The following CYTH1 variants were observed in gnomAD, a reference collection of about 807,000 sequenced individuals.
The protein encoded by CYTH1 is cytohesin 1.
CYTH1 carries 18 observed loss-of-function variants against 61.8 expected under a neutral mutation model. The observed-to-expected ratio is 0.29, with a 90% CI of 0.20 to 0.43. The LOEUF is 0.43. CYTH1 is among the 20% of genes least tolerant of loss of function. The pLI, the probability that CYTH1 is intolerant of heterozygous loss-of-function variation, is 1.00. For missense variants in CYTH1, 336 were observed against 510.5 expected, an observed-to-expected ratio of 0.66 and a Z score of 3.29; for synonymous variants, 174 against 184.3, an observed-to-expected ratio of 0.94 and a Z score of 0.45.
chr17:78,698,401 T>A (rs1225910338), intron 8 of CYTH1, 21 bp from the exon 9 acceptor site: 1 of 1,553,194 alleles, frequency 6.4e-7, no homozygotes, highest in Admixed American at 1.7e-5. Flanking sequence ...AGATGACAAT[T>A]TATGTCTCTG....
intron 6 of CYTH1, 144 bp downstream of exon 6, chr17:78,701,527 A>G: frequency 1.3e-6 from 1 of 779,142 alleles, no homozygotes; most frequent in South Asian, 1.8e-5. Context: ...TCAGAGACCA[A>G]TAGATTTCTT....
chr17:78,779,512 C>A (rs1010058213), intron 1 of CYTH1, among the ~76,000 whole-genome samples: 2 of 152,180 alleles, frequency 1.3e-5, no homozygotes, highest in African/African-American at 4.8e-5. Flanking sequence ...GTACTAATCC[C>A]CAGAACTTGT....
At chr17:78,775,048 C>T (rs977556624) in intron 1 of CYTH1, among the ~76,000 whole-genome samples, 3 of 152,240 alleles carry the variant, frequency 2.0e-5, no homozygotes, top group African/African-American at 7.2e-5. Context: ...GGACTTGCTG[C>T]CTGCTTTCCC....
intron 1 of CYTH1, among the ~76,000 whole-genome samples, chr17:78,769,920 G>C (rs1196199150): frequency 6.6e-6 from 1 of 152,114 alleles, no homozygotes; most frequent in Non-Finnish European, 1.5e-5. Context: ...GGGAGGCCGA[G>C]GTGGGTGGAT....
intron 1 of CYTH1, among the ~76,000 whole-genome samples, chr17:78,777,109 G>C (rs35361991): frequency 0.063 from 8,831 of 141,222 alleles, 496 homozygotes; most frequent in South Asian, 0.16. Flanking sequence ...TGGGCAACAA[G>C]AGTGAAACTC....
At chr17:78,745,293 C>T (rs1054279680) in intron 1 of CYTH1, among the ~76,000 whole-genome samples, 9 of 152,100 alleles carry the variant, frequency 5.9e-5, no homozygotes, top group African/African-American at 2.2e-4. Flanking sequence ...TCGGAGGCAT[C>T]TGGAAACATG....
chr17:78,737,901 G>A (rs1217690334), intron 1 of CYTH1, among the ~76,000 whole-genome samples: 2 of 135,458 alleles, frequency 1.5e-5, no homozygotes, highest in Non-Finnish European at 3.2e-5. Flanking sequence ...ACACACACAC[G>A]ATATTTTATA....
intron 1 of CYTH1, among the ~76,000 whole-genome samples, chr17:78,720,153 A>C (rs568524386): frequency 6.6e-6 from 1 of 152,252 alleles, no homozygotes; most frequent in Non-Finnish European, 1.5e-5. Context: ...AAGATGAAAA[A>C]GTTCTAGAGA....
chr17:78,760,081 G>A (rs900233516), intron 1 of CYTH1, among the ~76,000 whole-genome samples: 1 of 151,788 alleles, frequency 6.6e-6, no homozygotes, highest in East Asian at 1.9e-4. Context: ...GATTCCTCCA[G>A]GGATTCTGCG....
intron 1 of CYTH1, chr17:78,724,091 C>A (rs1676777633): frequency 6.6e-6 from 1 of 152,236 alleles, no homozygotes; most frequent in South Asian, 2.1e-4. Flanking sequence ...TTTGAGGACA[C>A]CTGCCTATTA....
chr17:78,690,420 A>G (rs981643967), intron 11 of CYTH1, among the ~76,000 whole-genome samples: 1 of 146,434 alleles, frequency 6.8e-6, no homozygotes, highest in African/African-American at 2.5e-5. Context: ...AAAAAAAAAA[A>G]AAAAAAAAAA....
intron 11 of CYTH1, among the ~76,000 whole-genome samples, chr17:78,689,422 T>C (rs1049574251): frequency 6.6e-6 from 1 of 152,206 alleles, no homozygotes; most frequent in African/African-American, 2.4e-5. Context: ...GTGCACAACC[T>C]AGATCTCTGG....
intron 1 of CYTH1, among the ~76,000 whole-genome samples, chr17:78,752,625 G>T (rs1038851635): frequency 1.4e-4 from 22 of 152,152 alleles, no homozygotes; most frequent in African/African-American, 5.3e-4. Context: ...TAGAGACAGG[G>T]TTTCATTATT....
chr17:78,684,007 T>C (rs1466010690), intron 11 of CYTH1, among the ~76,000 whole-genome samples: 3 of 152,154 alleles, frequency 2.0e-5, no homozygotes, highest in African/African-American at 7.2e-5. Flanking sequence ...GGCATCCAGG[T>C]TACATATGCA....
intron 1 of CYTH1, among the ~76,000 whole-genome samples, chr17:78,776,778 G>C (rs527619968): frequency 3.3e-5 from 5 of 149,980 alleles, no homozygotes; most frequent in African/African-American, 1.2e-4. Context: ...TTAAGTTAAT[G>C]GTTTGTCTGG....
chr17:78,694,117 A>T (rs951050979), intron 10 of CYTH1, among the ~76,000 whole-genome samples: 1 of 152,238 alleles, frequency 6.6e-6, no homozygotes, highest in African/African-American at 2.4e-5. Context: ...TAATGTTATG[A>T]AAAGAAAATG....
Position 78,708,278 on chromosome 17 carries a change from C to T in CYTH1, c.106-17G>A, listed in dbSNP as rs1183815070. 6.2e-7 allele frequency: 1 copy of T among 1,602,864 alleles called. No homozygotes were observed. Among genetic ancestry groups the T allele is most frequent in the East Asian group, 2.3e-5 (1 of 44,160 alleles). ...CTTCAGCCTCTATAAAACAGACAGT[C>T]CAGAGTCAGCAGGAAAGGCAGATGC... is the stretch of plus-strand genomic sequence containing the variant. On this transcript the variant is annotated splice_polypyrimidine_tract_variant and intron_variant, in intron 2 of 13. Transcript: ENST00000446868.
At chr17:78,770,460 C>G (rs1229437313) in intron 1 of CYTH1, among the ~76,000 whole-genome samples, 1 of 151,774 alleles carries the variant, frequency 6.6e-6, no homozygotes, top group Non-Finnish European at 1.5e-5. Context: ...ACTCTGTCAC[C>G]CAGGCGGGAG....
chr17:78,751,429 A>C (rs1432599647), intron 1 of CYTH1, among the ~76,000 whole-genome samples: 2 of 151,736 alleles, frequency 1.3e-5, no homozygotes, highest in African/African-American at 2.4e-5. Context: ...CATTATGATT[A>C]GGGGCTATTT....
Sources: allele counts gnomAD v4.1 joint callset (sites outside exome capture counted in the v4.1 genomes callset), GRCh38; gene constraint gnomAD v4.1.1; transcripts MANE v1.5; gene names NCBI Gene and HGNC (gene_info 2026-07-23, HGNC 2026-07-21).